FGFR1: variants seen among roughly 807,000 people sequenced by gnomAD.
FGFR1 encodes FGFR1/PLAG1 fusion.
FGFR1 carries 18 observed loss-of-function variants against 93.7 expected under a neutral mutation model. The observed-to-expected ratio is 0.19, with a 90% CI of 0.13 to 0.28. The LOEUF (loss-of-function observed/expected upper bound fraction) is 0.28, where lower values mean the gene tolerates loss of function less well. Among genes scored for constraint, FGFR1 ranks in the 10% least tolerant of loss-of-function variants. The pLI is 1.00. For missense variants in FGFR1, 731 were observed against 1,080.4 expected (o/e 0.68, Z 4.53); for synonymous variants, 448 against 429.3 (o/e 1.04, Z -0.54).
chr8:38,439,394 G>A (rs914196956), intron 2 of FGFR1, among the ~76,000 whole-genome samples: 1 of 152,168 alleles, frequency 6.6e-6, no homozygotes. Flanking sequence ...TTCTCTTCTC[G>A]AGCCCCTCAC....
chr8:38,446,526 C>A (rs776134224), intron 2 of FGFR1, among the ~76,000 whole-genome samples: 14 of 151,942 alleles, frequency 9.2e-5, no homozygotes, highest in Non-Finnish European at 2.1e-4. Context: ...GATCCTCCTA[C>A]CTTAGCCTCC....
chr8:38,443,387 A>G (rs1034064337), intron 2 of FGFR1, among the ~76,000 whole-genome samples: 1 of 151,948 alleles, frequency 6.6e-6, no homozygotes, highest in Non-Finnish European at 1.5e-5. Context: ...GGCCGGGCAC[A>G]GTGGCTCACA....
At chr8:38,423,183 A>C (rs748200019) in intron 7 of FGFR1, 10 of 778,826 alleles carry the variant, frequency 1.3e-5, no homozygotes, top group South Asian at 1.2e-4. Context: ...ATGCTGGAAC[A>C]AACCAACGAC....
At chr8:38,446,313 C>A (rs1407061460) in intron 2 of FGFR1, among the ~76,000 whole-genome samples, 2 of 151,152 alleles carry the variant, frequency 1.3e-5, no homozygotes, top group Admixed American at 6.6e-5. Context: ...CTGGTTCAAG[C>A]GATTCTCCCG....
chr8:38,457,311 T>A (rs756658705), intron 2 of FGFR1, 45 bp downstream of exon 2: 1 of 1,597,414 alleles, frequency 6.3e-7, no homozygotes, highest in East Asian at 2.2e-5. Flanking sequence ...GCCCATCCTG[T>A]TCCCAAGGCC....
chr8:38,464,426 T>C (rs1414115017), intron 1 of FGFR1, among the ~76,000 whole-genome samples: 1 of 151,884 alleles, frequency 6.6e-6, no homozygotes, highest in Non-Finnish European at 1.5e-5. Context: ...CACCAAATTC[T>C]TGGGATAGTT....
rs1820104898 is a variant in FGFR1, at chr8:38,424,720, G to A, written c.746-21C>T. 1 of 1,605,564 alleles carries A rather than the reference G, an allele frequency of 6.2e-7. No homozygotes were observed. The highest frequency in any genetic ancestry group is 1.1e-5 in the South Asian group (1 of 90,568). The stretch of plus-strand genomic sequence containing the variant: ...CCGCTCTGTGGAAGATGGGAGAGGA[G>A]GCACTTGTCATGGGGACCTTGCCAT... On this transcript the variant is annotated intron_variant, in intron 6 of 17. Transcript: ENST00000447712. The surrounding 1 kb of genome is among the most constrained non-coding windows in gnomAD (Gnocchi z 4.3).
chr8:38,424,582 T>C lies in FGFR1; in HGVS notation c.863A>G (p.Gln288Arg). 6.2e-7 allele frequency: 1 copy of C among 1,614,262 alleles called. No homozygotes were observed. Among genetic ancestry groups the C allele is most frequent in the Non-Finnish European group, 8.5e-7 (1 of 1,180,048 alleles). ...ATTCACCTCGATGTGCTTTAGCCAC[T>C]GGATGTGCGGCTGCGGGTCACTGTA... Reference protein sequence around the residue: ...KVYSDPQPHIQWLKHIEVNGS... With the variant: ...KVYSDPQPHIRWLKHIEVNGS... Residue 288 changes from glutamine (Q) to arginine (R), a missense_variant, in exon 7 of 18, where the codon CAG becomes CGG. Physicochemically the swap from Gln to Arg is conservative, Grantham distance 43. This residue lies in a region of FGFR1 where 109 missense variants were observed against 249.4 expected (regional missense o/e 0.44). Transcript: ENST00000447712. The surrounding 1 kb of genome is among the most constrained non-coding windows in gnomAD (Gnocchi z 4.3).
At chr8:38,441,679 C>T (rs1274931448) in intron 2 of FGFR1, among the ~76,000 whole-genome samples, 1 of 152,206 alleles carries the variant, frequency 6.6e-6, no homozygotes, top group Non-Finnish European at 1.5e-5. Flanking sequence ...GGAGGAGGGC[C>T]GTCCAAGCTC....
chr8:38,462,833 AC>A (rs956481111), intron 1 of FGFR1, among the ~76,000 whole-genome samples: 2 of 148,160 alleles, frequency 1.3e-5, no homozygotes, highest in Admixed American at 1.4e-4. Context: ...TGAACTCCTG[AC>A]CTCAGGTGAT....
At chr8:38,438,775 G>T (rs914774414) in intron 2 of FGFR1, among the ~76,000 whole-genome samples, 1 of 152,096 alleles carries the variant, frequency 6.6e-6, no homozygotes, top group Non-Finnish European at 1.5e-5. Flanking sequence ...AGGTGAGGAA[G>T]CCCTTCTGGT....
rs150292859 is a variant in FGFR1, at chr8:38,439,596, G to A, written c.92-9648C>T. Among the ~76,000 whole-genome samples, 81 of 152,216 alleles carry A rather than the reference G, an allele frequency of 5.3e-4. 1 individual carries two copies. In the East Asian group the frequency reaches 0.015, roughly 28 times the overall value. On this transcript the variant is annotated intron_variant, in intron 2 of 17. Transcript: ENST00000447712. Reference sequence around the variant, plus strand: ...CTCCATGACAGCCCCAGCTGGTCTGGAGCCTCTCAACCACGTCCTCTCCCA... The same window carrying A: ...CTCCATGACAGCCCCAGCTGGTCTGAAGCCTCTCAACCACGTCCTCTCCCA...
chr8:38,466,650 A>T (rs1015099197), intron 1 of FGFR1: 3 of 225,688 alleles, frequency 1.3e-5, no homozygotes, highest in African/African-American at 6.7e-5. Context: ...AGAAATGTTA[A>T]GGAGGGAGGT....
chr8:38,423,340 CAG>C (rs1469139203), intron 7 of FGFR1: 4 of 510,956 alleles, frequency 7.8e-6, no homozygotes, highest in East Asian at 7.1e-5. Context: ...TTTTTTAACG[CAG>C]AGTCTCACTC....
At chr8:38,451,785 C>G (rs1460576517) in intron 2 of FGFR1, among the ~76,000 whole-genome samples, 1 of 152,148 alleles carries the variant, frequency 6.6e-6, no homozygotes, top group African/African-American at 2.4e-5. Flanking sequence ...GAAAAGGGGG[C>G]AGGACCCCCA....
chr8:38,415,013 C>T (rs969056825), intron 13 of FGFR1, 112 bp from the exon 14 acceptor site: 4 of 799,242 alleles, frequency 5.0e-6, no homozygotes, highest in Middle Eastern at 3.6e-4. Context: ...TTCTGCCACA[C>T]TGCTCTGCCC....
In FGFR1 at chr8:38,429,579, G is replaced by T; in HGVS notation, c.358+103C>A. The T allele has an allele frequency of 1.6e-6, 2 of 1,232,544 alleles. No homozygotes were observed. Among genetic ancestry groups the T allele is most frequent in the Non-Finnish European group, 2.3e-6 (2 of 872,832 alleles). The allele number at this position is 1,232,544 out of a possible 1,614,324, so 76.4% of individuals were successfully genotyped here. A position where few individuals can be genotyped will look rare whatever the true frequency, so the allele number is the denominator to read the frequency against. On this transcript the variant is annotated intron_variant, in intron 3 of 17. Transcript: ENST00000447712. The surrounding 1 kb of genome is among the most constrained non-coding windows in gnomAD (Gnocchi z 4.4). The stretch of plus-strand genomic sequence containing the variant: ...CAGCAGTTTCTGAAGCAGAGTGGGG[G>T]CAGATCACGGAGGGGGAGGAGGTTC...
rs374139613 is a variant in FGFR1, at chr8:38,428,389, A to G, written c.405T>C (p.Ser135=). ...SEDDDDDDDS[S]SEEKETDNTK... The stretch of plus-strand genomic sequence containing the variant: ...TGTTATCTGTTTCTTTCTCCTCTGA[A>G]GAGGAGTCATCATCATCATCATCAT... Residue 135 remains serine (S), a synonymous_variant, in exon 4 of 18, where the codon TCT becomes TCC. Coordinates refer to ENST00000447712, the MANE Select transcript of FGFR1 (RefSeq NM_023110.3). 15 of 1,613,930 alleles carry G rather than the reference A, an allele frequency of 9.3e-6. No individual in the cohort carries two copies. Among genetic ancestry groups the G allele is most frequent in the South Asian group, 4.4e-5 (4 of 91,080 alleles).
At chr8:38,453,885 C>CT (rs1831884909) in intron 2 of FGFR1, among the ~76,000 whole-genome samples, 1 of 152,116 alleles carries the variant, frequency 6.6e-6, no homozygotes, top group Non-Finnish European at 1.5e-5. Context: ...GAGTGAAACT[C>CT]TGTCTCTTAA....
Sources: allele counts gnomAD v4.1 joint callset (sites outside exome capture counted in the v4.1 genomes callset), GRCh38; gene constraint gnomAD v4.1.1; regional missense constraint gnomAD v4.1.1; non-coding constraint Gnocchi (gnomAD v3.1); transcripts MANE v1.5; gene names NCBI Gene and HGNC (gene_info 2026-07-23, HGNC 2026-07-21).